BRWD3: variants seen among roughly 807,000 people sequenced by gnomAD.
BRWD3 encodes bromodomain and WD repeat domain containing 3, also known as bromodomain and WD repeat-containing protein 3.
In BRWD3, 10 loss-of-function variants were observed where a neutral mutation model predicts 149.7. That is an observed-to-expected ratio of 0.07 (90% CI 0.04 to 0.11). BRWD3 has a LOEUF of 0.11. Among genes scored for constraint, BRWD3 ranks in the 10% least tolerant of loss-of-function variants. The pLI is 1.00. For synonymous variants in BRWD3, 504 were observed against 456.7 expected (o/e 1.10, Z -1.32); for missense variants, 940 against 1,373.2 (o/e 0.68, Z 4.99).
rs1288930989 is a variant in BRWD3 at position 80,806,119 on chromosome X, C to G, written c.180+2420G>C. Among the ~76,000 whole-genome samples, 9 of 111,537 alleles carry G rather than the reference C, an allele frequency of 8.1e-5. No individual in the cohort carries two copies. In the Admixed American group the frequency reaches 8.6e-4, roughly 11 times the overall value. ...CACTACACTTCTGTTCAAATTATCA[C>G]TCAACCCTGCCCATCTTCTCTTACA... On this transcript the variant is annotated intron_variant, in intron 4 of 40. Coordinates refer to ENST00000373275, the MANE Select transcript of BRWD3 (RefSeq NM_153252.5).
At chrX:80,705,544 A>G (rs1227053329) in intron 22 of BRWD3, among the ~76,000 whole-genome samples, 1 of 111,748 alleles carries the variant, frequency 8.9e-6, no homozygotes, top group Non-Finnish European at 1.9e-5. Context: ...ATACTTTCAG[A>G]GAAATGCATC....
chrX:80,742,356 C>T (rs761055934), intron 8 of BRWD3, among the ~76,000 whole-genome samples: 1,768 of 103,970 alleles, frequency 0.017, 55 homozygotes, highest in African/African-American at 0.062. Flanking sequence ...ATGCCTCTGG[C>T]TTTGTTCTTT....
intron 12 of BRWD3, chrX:80,733,223 G>A (rs989293883): frequency 2.2e-5 from 7 of 320,829 alleles, no homozygotes; most frequent in African/African-American, 1.9e-4. Context: ...CAGAAATAGA[G>A]CAAAATAAAC....
chrX:80,719,334 A>C (rs2073112903), intron 18 of BRWD3, among the ~76,000 whole-genome samples, 155 bp downstream of exon 18: 2 of 111,899 alleles, frequency 1.8e-5, no homozygotes, highest in Non-Finnish European at 3.8e-5. Context: ...ACAAATGATG[A>C]GATTATGAGA....
rs1218227729 is a variant in BRWD3 at position 80,722,791 on chromosome X, T to C, written c.1651-4A>G. 3.4e-6 allele frequency: 4 copies of C among 1,188,698 alleles called. No homozygotes were observed. The highest frequency in any genetic ancestry group is 2.2e-5 in the Admixed American group (1 of 46,055). On this transcript the variant is annotated splice_region_variant and splice_polypyrimidine_tract_variant and intron_variant, in intron 16 of 40. Transcript: ENST00000373275. ...GGAAGAACATCTGATCTGGAATCTT[T>C]ATGACAGATTTTTAGTGGGTTAACA...
chrX:80,735,473 CAAAT>C (rs1220991050), intron 9 of BRWD3, among the ~76,000 whole-genome samples: 1 of 111,358 alleles, frequency 9.0e-6, no homozygotes, highest in Non-Finnish European at 1.9e-5. Context: ...AGAAATGAAA[CAAAT>C]AAAATCCTAC....
chrX:80,770,340 T>G (rs879217636), intron 6 of BRWD3, among the ~76,000 whole-genome samples: 1 of 111,167 alleles, frequency 9.0e-6, no homozygotes, highest in African/African-American at 3.3e-5. Flanking sequence ...AACATCGAAG[T>G]GAAAATCCTC....
intron 26 of BRWD3, among the ~76,000 whole-genome samples, chrX:80,696,269 TC>T (rs1367202203): frequency 8.0e-4 from 89 of 110,889 alleles, no homozygotes; most frequent in African/African-American, 2.8e-3. Flanking sequence ...TGTTCTTTAA[TC>T]TCCTTACGTT....
intron 6 of BRWD3, among the ~76,000 whole-genome samples, chrX:80,755,317 A>T (rs960485405): frequency 8.9e-6 from 1 of 111,994 alleles, no homozygotes; most frequent in Non-Finnish European, 1.9e-5. Flanking sequence ...CACCCAAAAG[A>T]TGATTTGGTA....
chrX:80,720,567 AC>A (rs1445563150), intron 17 of BRWD3, among the ~76,000 whole-genome samples: 2 of 108,543 alleles, frequency 1.8e-5, no homozygotes, highest in Non-Finnish European at 3.9e-5. Flanking sequence ...AAACAAACAA[AC>A]AAAAAACCAA....
At chrX:80,802,591 G>A (rs2074312102) in intron 4 of BRWD3, among the ~76,000 whole-genome samples, 1 of 109,699 alleles carries the variant, frequency 9.1e-6, no homozygotes, top group African/African-American at 3.3e-5. Flanking sequence ...TTAAAATGTA[G>A]CGAACAATTC....
At chrX:80,726,956 A>G (rs2073259156) in intron 14 of BRWD3, among the ~76,000 whole-genome samples, 1 of 110,467 alleles carries the variant, frequency 9.1e-6, no homozygotes, top group Non-Finnish European at 1.9e-5. Context: ...GTTAAACTCT[A>G]ATGATAATGA....
At chrX:80,708,851 T>G (rs1602332078) in intron 21 of BRWD3, among the ~76,000 whole-genome samples, 1 of 108,488 alleles carries the variant, frequency 9.2e-6, no homozygotes, top group Non-Finnish European at 1.9e-5. Context: ...GGCACAAGAA[T>G]GAGAGTACCA....
In BRWD3 at chrX:80,694,481, C is replaced by A. The variant is rs139425833; in HGVS notation, c.3151+1427G>T. On this transcript the variant is annotated intron_variant, in intron 27 of 40. Transcript: ENST00000373275. ...GAATGGCAGATCCACCGACAACGTG[C>A]GCCGTGTGCCTGGAAAAGCTGCGGA... Among the ~76,000 whole-genome samples the A allele has an allele frequency of 1.8e-3, 196 of 110,545 alleles. 1 individual carries two copies. Among genetic ancestry groups the A allele is most frequent in the Middle Eastern group, 9.3e-3 (2 of 215 alleles).
chrX:80,708,814 C>CA (rs1321238456), intron 21 of BRWD3, among the ~76,000 whole-genome samples: 958 of 59,923 alleles, frequency 0.016, 4 homozygotes, highest in Non-Finnish European at 0.022. Context: ...GACTCCATCT[C>CA]AAAAAAAAAA....
At chrX:80,690,674 T>C (rs1569247390) in intron 31 of BRWD3, among the ~76,000 whole-genome samples, 1 of 111,045 alleles carries the variant, frequency 9.0e-6, no homozygotes, top group Non-Finnish European at 1.9e-5. Flanking sequence ...CCTGTATATA[T>C]TTCAGTGCTG....
At chrX:80,746,830 A>G in intron 6 of BRWD3, 2 of 749,136 alleles carry the variant, frequency 2.7e-6, no homozygotes, top group Non-Finnish European at 3.2e-6. Context: ...CAATTTTAAG[A>G]GCAATGAAGT....
chrX:80,773,271 A>C (rs1046834999), intron 6 of BRWD3, among the ~76,000 whole-genome samples: 4 of 111,230 alleles, frequency 3.6e-5, no homozygotes, highest in Non-Finnish European at 7.5e-5. Context: ...ACCACAAGCA[A>C]TTTCCTGAGT....
rs1189770333 is a variant in BRWD3 at position 80,745,687 on chromosome X, A to G, written c.473T>C (p.Phe158Ser). The G allele has an allele frequency of 5.0e-6, 6 of 1,207,410 alleles. No individual in the cohort carries two copies. Among genetic ancestry groups the G allele is most frequent in the Non-Finnish European group, 6.7e-6 (6 of 893,694 alleles). ...AGCAGATGAAGGGAAAATATGACCA[A>G]AGCGACTACAGCCGGTTAATTGCCT... ...SARQLTGCSRFGHIFPSSAYQ... is the reference protein window; with the variant it reads ...SARQLTGCSRSGHIFPSSAYQ... The change falls in exon 7 of 41, where the codon TTT becomes TCT. Residue 158 changes from phenylalanine to serine, a missense_variant. This residue lies in a region of BRWD3 where 105 missense variants were observed against 127.7 expected (regional missense o/e 0.82). Transcript: ENST00000373275.
Sources: allele counts gnomAD v4.1 joint callset (sites outside exome capture counted in the v4.1 genomes callset), GRCh38; gene constraint gnomAD v4.1.1; regional missense constraint gnomAD v4.1.1; transcripts MANE v1.5; gene names NCBI Gene and HGNC (gene_info 2026-07-23, HGNC 2026-07-21).